Variants in DAB1 observed in about 807,000 individuals in gnomAD.
The protein encoded by DAB1 is DAB adaptor protein 1.
Under a neutral mutation model 64.6 loss-of-function variants are expected in DAB1, and 15 were observed. That is an observed-to-expected ratio of 0.23 (90% CI 0.16 to 0.36). The LOEUF (loss-of-function observed/expected upper bound fraction) is 0.36, where lower values mean the gene tolerates loss of function less well. Among genes scored for constraint, DAB1 ranks in the 10% least tolerant of loss-of-function variants. The pLI, the probability that DAB1 is intolerant of heterozygous loss-of-function variation, is 1.00. For missense variants in DAB1, 596 were observed against 706.7 expected (o/e 0.84, Z 1.78); for synonymous variants, 235 against 251.9 (o/e 0.93, Z 0.64).
At chr1:57,983,321 C>A (rs960032435) in intron 5 of DAB1, among the ~76,000 whole-genome samples, 2 of 152,124 alleles carry the variant, frequency 1.3e-5, no homozygotes, top group African/African-American at 4.8e-5. Flanking sequence ...GAATAAGAAC[C>A]AGAAAGGGTC....
At position 57,521,594 on chromosome 1, in the gene DAB1, A is replaced by T. The variant is rs770564363; in HGVS notation, n.625+127998T>A. On this transcript the variant is annotated intron_variant and non_coding_transcript_variant, in intron 7 of 20. Transcript: ENST00000485760. ...AGAGGCTTTCAGGTAAACTTAATGG[A>T]CCAAATATGGATGCATTTATCTTCA... 2.0e-5 allele frequency among the ~76,000 whole-genome samples: 3 copies of T among 152,276 alleles called. 1 individual carries two copies. Among genetic ancestry groups the T allele is most frequent in the South Asian group, 2.1e-4 (1 of 4,822 alleles).
intron 2 of DAB1, among the ~76,000 whole-genome samples, chr1:57,257,555 T>C (rs1401137912): frequency 6.6e-6 from 1 of 152,236 alleles, no homozygotes; most frequent in Non-Finnish European, 1.5e-5. Context: ...ACTTGATCTA[T>C]GTCTTTTATT....
intron 5 of DAB1, among the ~76,000 whole-genome samples, chr1:58,023,665 T>C (rs961200326): frequency 2.6e-5 from 4 of 152,210 alleles, no homozygotes; most frequent in African/African-American, 9.6e-5. Context: ...GAATAATTTA[T>C]GTAAGTCTCT....
intron 4 of DAB1, among the ~76,000 whole-genome samples, chr1:57,108,267 G>T (rs1188008914): frequency 6.6e-6 from 1 of 152,180 alleles, no homozygotes; most frequent in Non-Finnish European, 1.5e-5. Context: ...TCGGTAAGGA[G>T]AAATGACTAA....
intron 6 of DAB1, among the ~76,000 whole-genome samples, chr1:57,747,575 C>T (rs567602572): frequency 3.6e-4 from 54 of 151,834 alleles, no homozygotes; most frequent in African/African-American, 9.9e-4. Flanking sequence ...TTTGGGAGGC[C>T]GAGGCGGGTG....
At chr1:57,506,121 G>C (rs969222618) in intron 7 of DAB1, among the ~76,000 whole-genome samples, 1 of 152,120 alleles carries the variant, frequency 6.6e-6, no homozygotes, top group Admixed American at 6.6e-5. Context: ...CCCTTCTTGC[G>C]GTGCCAGAGT....
At chr1:57,305,830 G>A (rs1185991034) in intron 1 of DAB1, among the ~76,000 whole-genome samples, 1 of 151,780 alleles carries the variant, frequency 6.6e-6, no homozygotes, top group Non-Finnish European at 1.5e-5. Context: ...TTAGCCGGGC[G>A]CGGTTACGGG....
At chr1:58,428,410 C>A (rs1476173372) in intron 3 of DAB1, among the ~76,000 whole-genome samples, 1 of 152,168 alleles carries the variant, frequency 6.6e-6, no homozygotes, top group Non-Finnish European at 1.5e-5. Context: ...GTGACAAACT[C>A]CTAACACAAA....
At chr1:57,537,490 T>C (rs1184987699) in intron 7 of DAB1, among the ~76,000 whole-genome samples, 3 of 152,170 alleles carry the variant, frequency 2.0e-5, no homozygotes, top group Non-Finnish European at 4.4e-5. Flanking sequence ...CTGGATAGTT[T>C]TGTTTTGTTT....
chr1:58,186,058 T>C (rs908155873), intron 4 of DAB1, among the ~76,000 whole-genome samples: 8 of 152,218 alleles, frequency 5.3e-5, no homozygotes, highest in African/African-American at 1.9e-4. Flanking sequence ...TTCTCTCCAT[T>C]TATACACAGC....
At chr1:57,408,405 GTGACT>G (rs1683831336) in intron 1 of DAB1, among the ~76,000 whole-genome samples, 2 of 152,158 alleles carry the variant, frequency 1.3e-5, no homozygotes, top group Non-Finnish European at 2.9e-5. Flanking sequence ...GAACAAATGG[GTGACT>G]ATTCCTACTC....
intron 4 of DAB1, among the ~76,000 whole-genome samples, chr1:58,163,943 T>A (rs1379593674): frequency 6.6e-6 from 1 of 152,170 alleles, no homozygotes; most frequent in Non-Finnish European, 1.5e-5. Flanking sequence ...ACTTTTAATA[T>A]GCTTTTCTAC....
chr1:57,319,369 C>T (rs2100759128), intron 1 of DAB1, among the ~76,000 whole-genome samples: 1 of 143,470 alleles, frequency 7.0e-6, no homozygotes, highest in South Asian at 2.2e-4. Flanking sequence ...CAAATCGCTG[C>T]CTCTTCTGTG....
intron 4 of DAB1, among the ~76,000 whole-genome samples, chr1:57,111,483 C>A (rs1228071135): frequency 6.6e-6 from 1 of 152,142 alleles, no homozygotes; most frequent in South Asian, 2.1e-4. Context: ...CCAATTTCTG[C>A]CTGTGTGTAC....
At chr1:58,300,641 AGAGAGAGGAAGGAAGG>A (rs1225460468) in intron 4 of DAB1, among the ~76,000 whole-genome samples, 41 of 58,312 alleles carry the variant, frequency 7.0e-4, no homozygotes, top group East Asian at 3.6e-3. Flanking sequence ...AGAGAGAGAG[AGAGAGAGGAAGGAAGG>A]AAGGAAGGAA....
chr1:57,272,170 G>A (rs1671065353), intron 2 of DAB1, among the ~76,000 whole-genome samples: 1 of 152,182 alleles, frequency 6.6e-6, no homozygotes, highest in African/African-American at 2.4e-5. Context: ...TTTTTCATGA[G>A]TGGGTTACAT....
At chr1:57,162,165 C>G (rs1226395058) in intron 2 of DAB1, among the ~76,000 whole-genome samples, 1 of 152,232 alleles carries the variant, frequency 6.6e-6, no homozygotes, top group Non-Finnish European at 1.5e-5. Flanking sequence ...GCTTCATCAT[C>G]TTCCCCTCCT....
Position 57,207,446 on chromosome 1 carries a change from C to CTTTTTTTTTTTTTTTTTTTTTT in DAB1, c.68-62018_68-62017insAAAAAAAAAAAAAAAAAAAAAA, listed in dbSNP as rs772989513. On this transcript the variant is annotated intron_variant, in intron 2 of 14. Transcript: ENST00000371236. ...CTGTAATTCATACCTTATTTCCTTT[C>CTTTTTTTTTTTTTTTTTTTTTT]TTTTTTTTTTTTTTTGAGATGGAGT... Among the ~76,000 whole-genome samples, 63 of 98,444 alleles carry CTTTTTTTTTTTTTTTTTTTTTT rather than the reference C, an allele frequency of 6.4e-4. 9 individuals are homozygous for CTTTTTTTTTTTTTTTTTTTTTT. Among genetic ancestry groups the CTTTTTTTTTTTTTTTTTTTTTT allele is most frequent in the East Asian group, 8.1e-4 (3 of 3,704 alleles). 64.6% of individuals were successfully genotyped at this position (98,444 alleles called of 152,430 possible).
At chr1:57,378,141 A>T (rs1681058545) in intron 1 of DAB1, among the ~76,000 whole-genome samples, 6 of 152,178 alleles carry the variant, frequency 3.9e-5, no homozygotes, top group African/African-American at 1.4e-4. Flanking sequence ...AGCAGGATGG[A>T]GGCAGGGTCT....
Sources: allele counts gnomAD v4.1 joint callset (sites outside exome capture counted in the v4.1 genomes callset), GRCh38; gene constraint gnomAD v4.1.1; transcripts MANE v1.5; gene names NCBI Gene and HGNC (gene_info 2026-07-23, HGNC 2026-07-21).